Variants in ZDHHC14 observed in about 807,000 individuals in gnomAD.
ZDHHC14 encodes the protein palmitoyltransferase ZDHHC14.
Under a neutral mutation model 47.7 loss-of-function variants are expected in ZDHHC14, and 16 were observed. The observed-to-expected ratio is 0.34, with a 90% CI of 0.23 to 0.51. ZDHHC14 has a LOEUF of 0.51. ZDHHC14 is among the 20% of genes least tolerant of loss of function. ZDHHC14 has a pLI of 0.97. For synonymous variants in ZDHHC14, 293 were observed against 278.9 expected (o/e 1.05, Z -0.50); for missense variants, 515 against 662.5 (o/e 0.78, Z 2.44).
At chr6:157,628,255 A>C in intron 3 of ZDHHC14, 94 bp from the exon 4 acceptor site, 11 of 1,236,318 alleles carry the variant, frequency 8.9e-6, no homozygotes, top group Non-Finnish European at 1.2e-5. Flanking sequence ...TTATACTATC[A>C]GAGTATTGGG....
chr6:157,542,840 G>A, intron 2 of ZDHHC14, 95 bp downstream of exon 2: 1 of 1,439,194 alleles, frequency 6.9e-7, no homozygotes, highest in Non-Finnish European at 9.3e-7. Flanking sequence ...AGGAGGAGCT[G>A]AGCGCTGGGA....
intron 1 of ZDHHC14, among the ~76,000 whole-genome samples, chr6:157,522,757 CTCCCTCCCTTCTTTCCTCCA>C (rs1440199434): frequency 1.5e-4 from 9 of 60,824 alleles, no homozygotes; most frequent in African/African-American, 8.2e-4. Flanking sequence ...TTCTTCCTCC[CTCCCTCCCTTCTTTCCTCCA>C]TCTCTCTTTC....
At chr6:157,411,799 G>A (rs1273041383) in intron 1 of ZDHHC14, among the ~76,000 whole-genome samples, 1 of 151,062 alleles carries the variant, frequency 6.6e-6, no homozygotes, top group East Asian at 1.9e-4. Context: ...TCTCTGATGT[G>A]TGGCCACTGG....
At chr6:157,452,505 T>G (rs1453926676) in intron 1 of ZDHHC14, among the ~76,000 whole-genome samples, 1 of 152,134 alleles carries the variant, frequency 6.6e-6, no homozygotes, top group African/African-American at 2.4e-5. Flanking sequence ...TTTTGGAAGA[T>G]TCATAGCCTT....
chr6:157,658,028 C>T (rs1320594054), intron 8 of ZDHHC14, among the ~76,000 whole-genome samples: 1 of 152,206 alleles, frequency 6.6e-6, no homozygotes, highest in Non-Finnish European at 1.5e-5. Context: ...TAAGACATGT[C>T]AAGCACTTAA....
chr6:157,635,698 G>A (rs577588670), intron 5 of ZDHHC14, among the ~76,000 whole-genome samples: 22 of 152,264 alleles, frequency 1.4e-4, no homozygotes, highest in Middle Eastern at 3.4e-3. Flanking sequence ...CCAGGAACAC[G>A]GCATCCCCCT....
At chr6:157,570,204 C>T (rs1451213831) in intron 2 of ZDHHC14, among the ~76,000 whole-genome samples, 1 of 152,196 alleles carries the variant, frequency 6.6e-6, no homozygotes, top group Non-Finnish European at 1.5e-5. Flanking sequence ...ATATTAATGC[C>T]ACTCAAACTT....
chr6:157,495,688 G>A (rs1336862131), intron 1 of ZDHHC14, among the ~76,000 whole-genome samples: 2 of 144,476 alleles, frequency 1.4e-5, no homozygotes, highest in Non-Finnish European at 3.0e-5. Flanking sequence ...TGAGAAGTTC[G>A]GGTTGAATTT....
intron 1 of ZDHHC14, among the ~76,000 whole-genome samples, chr6:157,393,877 A>G (rs1777469478): frequency 6.6e-6 from 1 of 151,996 alleles, no homozygotes; most frequent in South Asian, 2.1e-4. Context: ...TTTCCTAAGC[A>G]AGATTGCACG....
chr6:157,412,454 G>A (rs1465111539), intron 1 of ZDHHC14, among the ~76,000 whole-genome samples: 1 of 151,758 alleles, frequency 6.6e-6, no homozygotes, highest in African/African-American at 2.4e-5. Flanking sequence ...CACTGTGTCT[G>A]GCTAATTTTT....
intron 2 of ZDHHC14, among the ~76,000 whole-genome samples, chr6:157,562,121 T>C (rs368318741): frequency 3.9e-5 from 6 of 152,074 alleles, no homozygotes; most frequent in African/African-American, 1.2e-4. Flanking sequence ...AGAAAACATG[T>C]GTGGGGCAGT....
In ZDHHC14 at chr6:157,673,282, C is replaced by T; in HGVS notation, c.*160C>T. 1 of 951,506 alleles carries T rather than the reference C, an allele frequency of 1.1e-6. No individual in the cohort carries two copies. The highest frequency in any genetic ancestry group is 1.5e-6 in the Non-Finnish European group (1 of 686,766). The allele number at this position is 951,506 out of a possible 1,614,324, so 58.9% of individuals were successfully genotyped here. ...GACCACTTAGGATGGCACAGGGTGG[C>T]TGGCCCCGGATGCTGAGAGCTTGGT... is the stretch of plus-strand genomic sequence containing the variant. On this transcript the variant is annotated 3_prime_UTR_variant, in exon 9 of 9. Transcript: ENST00000359775. The surrounding 1 kb of genome is among the most constrained non-coding windows in gnomAD (Gnocchi z 5.4).
chr6:157,437,670 A>G (rs1159763154), intron 1 of ZDHHC14, among the ~76,000 whole-genome samples: 3 of 152,208 alleles, frequency 2.0e-5, no homozygotes, highest in Admixed American at 2.0e-4. Flanking sequence ...TCAGGGTAAA[A>G]TAGATTCAAA....
chr6:157,381,642 G>C lies in ZDHHC14; in HGVS notation c.-380G>C, dbSNP rs6924181. On this transcript the variant is annotated 5_prime_UTR_variant, in exon 1 of 9. Coordinates refer to ENST00000359775, the MANE Select transcript of ZDHHC14 (RefSeq NM_024630.3). ...GCTCGGGGGTCGGCGGGCCAGAGCC[G>C]AGGCGCGGCCGGGGAGCCGGGGGCT... The C allele has an allele frequency of 0.034, 5,530 of 162,010 alleles. 363 individuals carry two copies. Among genetic ancestry groups the C allele is most frequent in the African/African-American group, 0.13 (5,214 of 40,836 alleles). 10.0% of individuals were successfully genotyped at this position (162,010 alleles called of 1,614,324 possible). A position where few individuals can be genotyped will look rare whatever the true frequency, so the allele number is the denominator to read the frequency against.
chr6:157,610,079 A>G (rs966821661), intron 3 of ZDHHC14, among the ~76,000 whole-genome samples: 2 of 152,318 alleles, frequency 1.3e-5, no homozygotes. Flanking sequence ...AGGCCCACGC[A>G]GTGACCCCCA....
intron 8 of ZDHHC14, among the ~76,000 whole-genome samples, chr6:157,654,663 G>A (rs1778000647): frequency 6.6e-6 from 1 of 151,992 alleles, no homozygotes; most frequent in South Asian, 2.1e-4. Context: ...AGAGATGGCT[G>A]GGGTTTACGT....
At chr6:157,522,965 CTTTT>C (rs1562460990) in intron 1 of ZDHHC14, among the ~76,000 whole-genome samples, 2,378 of 24,704 alleles carry the variant, frequency 0.096, 31 homozygotes, top group Non-Finnish European at 0.12. Flanking sequence ...TTCCTTCTTT[CTTTT>C]CTTTTCTTTT....
chr6:157,407,469 A>G (rs1777787227), intron 1 of ZDHHC14, among the ~76,000 whole-genome samples: 1 of 152,198 alleles, frequency 6.6e-6, no homozygotes, highest in South Asian at 2.1e-4. Context: ...TGGACACAAG[A>G]AAACTTCCCA....
intron 1 of ZDHHC14, among the ~76,000 whole-genome samples, chr6:157,525,145 G>A (rs1418155118): frequency 6.6e-6 from 1 of 152,040 alleles, no homozygotes; most frequent in African/African-American, 2.4e-5. Context: ...CTCTCCATAG[G>A]GCTGGGATTT....
Sources: allele counts gnomAD v4.1 joint callset (sites outside exome capture counted in the v4.1 genomes callset), GRCh38; gene constraint gnomAD v4.1.1; non-coding constraint Gnocchi (gnomAD v3.1); transcripts MANE v1.5; gene names NCBI Gene and HGNC (gene_info 2026-07-23, HGNC 2026-07-21).